Variants in VPS37B observed in about 807,000 individuals in gnomAD.
The protein encoded by VPS37B is VPS37B subunit of ESCRT-I, also known as vacuolar protein sorting-associated protein 37B.
Under a neutral mutation model 21.2 loss-of-function variants are expected in VPS37B, and 11 were observed. That is an observed-to-expected ratio of 0.52 (90% CI 0.33 to 0.86). The LOEUF (loss-of-function observed/expected upper bound fraction) is 0.86. VPS37B is among the 40% of genes least tolerant of loss of function. VPS37B has a pLI of 0.03. For synonymous variants in VPS37B, 175 were observed against 159.6 expected, an observed-to-expected ratio of 1.10 and a Z score of -0.73; for missense variants, 389 against 374.8, an observed-to-expected ratio of 1.04 and a Z score of -0.31.
At chr12:122,880,434 G>A (rs530909931) in intron 1 of VPS37B, 3 of 152,216 alleles carry the variant, frequency 2.0e-5, no homozygotes, top group East Asian at 3.9e-4. Context: ...GGCTTTGTGC[G>A]ACGCTTCTCT....
At chr12:122,891,037 T>C (rs2034404300) in intron 1 of VPS37B, among the ~76,000 whole-genome samples, 1 of 152,238 alleles carries the variant, frequency 6.6e-6, no homozygotes, top group South Asian at 2.1e-4. Flanking sequence ...ATATTAGGCA[T>C]CTTACTTATT....
chr12:122,874,060 G>A (rs1328833974), intron 1 of VPS37B: 1 of 152,230 alleles, frequency 6.6e-6, no homozygotes, highest in Non-Finnish European at 1.5e-5. Flanking sequence ...AGTCACTAGA[G>A]ACTAAGTCTG....
chr12:122,872,790 A>C lies in VPS37B; in HGVS notation c.112-1729T>G, dbSNP rs1017329912. 65 of 739,856 alleles carry C rather than the reference A, an allele frequency of 8.8e-5. No homozygotes were observed. The African/African-American group carries it at 1.2e-3, about 14-fold the overall frequency. 45.8% of individuals were successfully genotyped at this position (739,856 alleles called of 1,614,324 possible). On this transcript the variant is annotated intron_variant, in intron 1 of 3. Coordinates refer to ENST00000267202, the MANE Select transcript of VPS37B (RefSeq NM_024667.3). Reference sequence around the variant, plus strand: ...TTGTACTCTTGGGCATTTATATCAGAGAAATGAAAACTTATATTCAACAAA... The same window carrying C: ...TTGTACTCTTGGGCATTTATATCAGCGAAATGAAAACTTATATTCAACAAA...
chr12:122,891,235 G>A (rs2034406868), intron 1 of VPS37B, among the ~76,000 whole-genome samples: 1 of 152,198 alleles, frequency 6.6e-6, no homozygotes, highest in Non-Finnish European at 1.5e-5. Context: ...ACGCAGAAGA[G>A]CAACTAAATA....
At position 122,866,448 on chromosome 12, in the gene VPS37B, T is replaced by C. The variant is rs2033901036; in HGVS notation, c.*668A>G. On this transcript the variant is annotated 3_prime_UTR_variant, in exon 4 of 4. Coordinates refer to ENST00000267202, the MANE Select transcript of VPS37B (RefSeq NM_024667.3). ...GGGAGAGGAGGAGCTGGGGACACAA[T>C]TTGCTGTGCAAAGTCCCACTCGTGC... The C allele has an allele frequency of 6.6e-6, 1 of 152,388 alleles. No homozygotes were observed. Among genetic ancestry groups the C allele is most frequent in the Non-Finnish European group, 1.5e-5 (1 of 68,026 alleles). 9.4% of individuals were successfully genotyped at this position (152,388 alleles called of 1,614,324 possible). A position where few individuals can be genotyped will look rare whatever the true frequency, so the allele number is the denominator to read the frequency against.
chr12:122,880,879 CAG>C (rs891816079), intron 1 of VPS37B: 4 of 152,218 alleles, frequency 2.6e-5, no homozygotes, highest in Admixed American at 2.6e-4. Flanking sequence ...GAGTCTGGCT[CAG>C]AGTCTCAGTC....
chr12:122,890,737 A>G (rs751636347), intron 1 of VPS37B, among the ~76,000 whole-genome samples: 1 of 152,182 alleles, frequency 6.6e-6, no homozygotes, highest in East Asian at 1.9e-4. Flanking sequence ...CACCGAGTAC[A>G]TTCATATTAT....
chr12:122,868,227 C>T lies in VPS37B; in HGVS notation c.366+253G>A, dbSNP rs772543169. ...ATCCGCCACTGGCCCCAGGGGCCGG[C>T]GTTCACAGGGTGGCACGCATGCCCT... is the stretch of plus-strand genomic sequence containing the variant. On this transcript the variant is annotated intron_variant, in intron 3 of 3. Transcript: ENST00000267202. This position sits in a 1 kb window ranked among gnomAD's most constrained non-coding sequence, Gnocchi z 5.5. Among the ~76,000 whole-genome samples, 5 of 152,220 alleles carry T rather than the reference C, an allele frequency of 3.3e-5. No homozygotes were observed. The highest frequency in any genetic ancestry group is 7.3e-5 in the Non-Finnish European group (5 of 68,034).
Position 122,868,483 on chromosome 12 carries a change from AG to A in VPS37B, c.362del (p.Thr121MetfsTer34). 1 of 1,612,932 alleles carries A rather than the reference AG, an allele frequency of 6.2e-7. No homozygotes were observed. Among genetic ancestry groups the A allele is most frequent in the Non-Finnish European group, 8.5e-7 (1 of 1,179,770 alleles). On this transcript the variant is annotated frameshift_variant, in exon 3 of 4. Coordinates refer to ENST00000267202, the MANE Select transcript of VPS37B (RefSeq NM_024667.3). LOFTEE classifies it low-confidence loss of function (END_TRUNC). This position sits in a 1 kb window ranked among gnomAD's most constrained non-coding sequence, Gnocchi z 5.5. ...QAEGAKIEED[T>X]ENMAEKFLDG... Reference sequence around the variant, plus strand: ...CACCAAGGCTGGTGGGCTTTACCTCAGTGTCTTCCTCAATCTTGGCCCCTTC... The same window carrying A: ...CACCAAGGCTGGTGGGCTTTACCTCATGTCTTCCTCAATCTTGGCCCCTTC...
chr12:122,883,821 CCTT>C (rs754114223), intron 1 of VPS37B: 1 of 152,230 alleles, frequency 6.6e-6, no homozygotes, highest in Admixed American at 6.5e-5. Flanking sequence ...ACAAGCTCTC[CCTT>C]CTTCTTGGAC....
chr12:122,867,538 G>C lies in VPS37B; in HGVS notation c.436C>G (p.Arg146Gly). 6.2e-7 allele frequency: 1 copy of C among 1,614,024 alleles called. No individual in the cohort carries two copies. Among genetic ancestry groups the C allele is most frequent in the Non-Finnish European group, 8.5e-7 (1 of 1,180,014 alleles). ...ACCCGTCGCATGTGGGCCAGTTTCC[G>C]TTTGCTCTGATAGACATCAATGAAG... ...DSFIDVYQSK[R>G]KLAHMRRVKI... is the part of the protein sequence containing the mutation. Residue 146 changes from arginine to glycine, a missense_variant, in exon 4 of 4, where the codon CGG (arginine) becomes GGG (glycine). Transcript: ENST00000267202. The surrounding 1 kb of genome is among the most constrained non-coding windows in gnomAD (Gnocchi z 5.5).
chr12:122,869,563 T>C (rs1377538891), intron 2 of VPS37B, among the ~76,000 whole-genome samples: 1 of 152,222 alleles, frequency 6.6e-6, no homozygotes, highest in African/African-American at 2.4e-5. Flanking sequence ...GACAAGATGA[T>C]AGCAAGTAGT....
chr12:122,892,323 A>G (rs1271171294), intron 1 of VPS37B, among the ~76,000 whole-genome samples: 1 of 152,102 alleles, frequency 6.6e-6, no homozygotes, highest in Non-Finnish European at 1.5e-5. Flanking sequence ...CACTACTTAA[A>G]CTGCACTGAA....
At position 122,867,400 on chromosome 12, in the gene VPS37B, G is replaced by T. The variant is rs1219814187; in HGVS notation, c.574C>A (p.Pro192Thr). 2 of 1,607,714 alleles carry T rather than the reference G, an allele frequency of 1.2e-6. No individual in the cohort carries two copies. Among genetic ancestry groups the T allele is most frequent in the Non-Finnish European group, 1.7e-6 (2 of 1,178,734 alleles). Residue 192 changes from proline to threonine, a missense_variant, in exon 4 of 4, where the codon CCT becomes ACT. Coordinates refer to ENST00000267202, the MANE Select transcript of VPS37B (RefSeq NM_024667.3). This position sits in a 1 kb window ranked among gnomAD's most constrained non-coding sequence, Gnocchi z 5.5. ...ELAPTAPLPY[P>T]APEASGPPAV... The stretch of plus-strand genomic sequence containing the variant: ...GGAGGCCCACTGGCCTCTGGGGCAG[G>T]GTAGGGAAGGGGGGCGGTAGGTGCC...
chr12:122,870,039 C>CTTTTTTT (rs34470019), intron 2 of VPS37B: 2 of 128,208 alleles, frequency 1.6e-5, no homozygotes. Context: ...TTCAGTGATG[C>CTTTTTTT]TTTTTTTTTT....
chr12:122,891,766 T>C (rs1332745703), intron 1 of VPS37B, among the ~76,000 whole-genome samples: 3 of 152,222 alleles, frequency 2.0e-5, no homozygotes, highest in East Asian at 3.8e-4. Flanking sequence ...CAATGAGCCA[T>C]TATGATTCAT....
At position 122,871,075 on chromosome 12, in the gene VPS37B, A is replaced by C. The variant is rs748012601; in HGVS notation, c.112-14T>G. The stretch of plus-strand genomic sequence containing the variant: ...AACATTCTGTGTCTGCAAGGAACAC[A>C]CAAGATGATGAGAACCAAAAGTATA... On this transcript the variant is annotated splice_polypyrimidine_tract_variant and intron_variant, in intron 1 of 3. Transcript: ENST00000267202. 1 of 1,613,022 alleles carries C rather than the reference A, an allele frequency of 6.2e-7. No individual in the cohort carries two copies. The highest frequency in any genetic ancestry group is 1.3e-5 in the African/African-American group (1 of 74,884).
chr12:122,872,700 G>A, intron 1 of VPS37B: 1 of 985,110 alleles, frequency 1.0e-6, no homozygotes, highest in East Asian at 1.1e-4. Context: ...ACCACTGTAT[G>A]GCCACTCTGG....
rs763022345 is a variant in VPS37B, at chr12:122,895,942, C to G, written c.111+10G>C. 6.2e-7 allele frequency: 1 copy of G among 1,611,018 alleles called. No individual in the cohort carries two copies. Among genetic ancestry groups the G allele is most frequent in the East Asian group, 2.3e-5 (1 of 44,432 alleles). ...CTCACAGCCGCCGCCTTAAGCCCAG[C>G]TCGGCTCACCTCCTCCATCTTCTGC... On this transcript the variant is annotated intron_variant, in intron 1 of 3. Transcript: ENST00000267202.
Sources: allele counts gnomAD v4.1 joint callset (sites outside exome capture counted in the v4.1 genomes callset), GRCh38; gene constraint gnomAD v4.1.1; non-coding constraint Gnocchi (gnomAD v3.1); transcripts MANE v1.5; gene names NCBI Gene and HGNC (gene_info 2026-07-23, HGNC 2026-07-21).